Variants in PLXNA2 observed in about 807,000 individuals in gnomAD.
The protein encoded by PLXNA2 is plexin-A2.
In PLXNA2, 91 loss-of-function variants were observed where a neutral mutation model predicts 193.5. That is an observed-to-expected ratio of 0.47 (90% confidence interval 0.40 to 0.56). The LOEUF (loss-of-function observed/expected upper bound fraction) is 0.56, where lower values mean the gene tolerates loss of function less well. Ranked by LOEUF, PLXNA2 falls within the 20% of genes least tolerant of loss-of-function variation. The pLI is 0.00. For synonymous variants in PLXNA2, 997 were observed against 1,027.3 expected, an observed-to-expected ratio of 0.97 and a Z score of 0.56; for missense variants, 1,995 against 2,503.2, an observed-to-expected ratio of 0.80 and a Z score of 4.33.
intron 3 of PLXNA2, among the ~76,000 whole-genome samples, chr1:208,152,322 C>T (rs73087041): frequency 0.012 from 1,859 of 152,160 alleles, 44 homozygotes; most frequent in African/African-American, 0.042. Flanking sequence ...CCATGGTAAC[C>T]GAGAGAAATG....
intron 14 of PLXNA2, among the ~76,000 whole-genome samples, chr1:208,053,552 C>A (rs911063872): frequency 1.3e-5 from 2 of 152,226 alleles, no homozygotes; most frequent in African/African-American, 2.4e-5. Context: ...AAACAATCAG[C>A]AAAATGCTTT....
intron 29 of PLXNA2, chr1:208,031,023 G>A (rs1405219523): frequency 2.0e-6 from 2 of 988,066 alleles, no homozygotes; most frequent in Non-Finnish European, 2.4e-6. Flanking sequence ...ATGGCGCCAG[G>A]ATAATCACTT....
intron 3 of PLXNA2, among the ~76,000 whole-genome samples, chr1:208,157,472 C>A (rs2102508370): frequency 6.6e-6 from 1 of 152,294 alleles, no homozygotes; most frequent in East Asian, 1.9e-4. Context: ...ATTCTCAGGT[C>A]TTTTTACTCT....
intron 1 of PLXNA2, among the ~76,000 whole-genome samples, chr1:208,224,566 T>C (rs1671455182): frequency 6.6e-6 from 1 of 152,224 alleles, no homozygotes; most frequent in Non-Finnish European, 1.5e-5. Context: ...CTATGGAAAA[T>C]AGCGGGACCA....
chr1:208,042,416 C>T lies in PLXNA2; in HGVS notation c.4018-50G>A, dbSNP rs1441917093. The T allele has an allele frequency of 2.5e-6, 4 of 1,583,558 alleles. No individual in the cohort carries two copies. In the African/African-American group the frequency reaches 5.4e-5, roughly 21 times the overall value. On this transcript the variant is annotated intron_variant, in intron 21 of 31. Coordinates refer to ENST00000367033, the MANE Select transcript of PLXNA2 (RefSeq NM_025179.4). ...ACGCCCTCAGAGGACAGGCATCGGG[C>T]CTCCTACCTGAGGGTCTCACTGAGG... is the stretch of plus-strand genomic sequence containing the variant.
At chr1:208,183,810 G>C (rs1162673606) in intron 3 of PLXNA2, among the ~76,000 whole-genome samples, 1 of 152,166 alleles carries the variant, frequency 6.6e-6, no homozygotes, top group Non-Finnish European at 1.5e-5. Flanking sequence ...CTGGGACTGA[G>C]AGTTGGAGAC....
At chr1:208,243,193 G>A (rs1367703492) in intron 1 of PLXNA2, among the ~76,000 whole-genome samples, 4 of 152,258 alleles carry the variant, frequency 2.6e-5, no homozygotes, top group African/African-American at 9.6e-5. Context: ...GCACTGGAGT[G>A]AACGCCCCCA....
chr1:208,184,823 A>G (rs941461085), intron 3 of PLXNA2, among the ~76,000 whole-genome samples: 8 of 152,244 alleles, frequency 5.3e-5, no homozygotes, highest in South Asian at 4.1e-4. Flanking sequence ...ATTTCTCAGT[A>G]AGCCTCAGCT....
At chr1:208,199,444 G>A (rs1423384247) in intron 3 of PLXNA2, among the ~76,000 whole-genome samples, 1 of 152,212 alleles carries the variant, frequency 6.6e-6, no homozygotes, top group Non-Finnish European at 1.5e-5. Flanking sequence ...TGTAATCCCA[G>A]CACTTTGGGG....
intron 12 of PLXNA2, among the ~76,000 whole-genome samples, chr1:208,074,251 C>G (rs1666070224): frequency 6.6e-6 from 1 of 152,170 alleles, no homozygotes; most frequent in Admixed American, 6.5e-5. Flanking sequence ...GAGGTCCCAG[C>G]AGGTCCTGAA....
At chr1:208,172,439 C>T (rs923828044) in intron 3 of PLXNA2, among the ~76,000 whole-genome samples, 2 of 152,146 alleles carry the variant, frequency 1.3e-5, no homozygotes. Flanking sequence ...TACCGCTGCC[C>T]CCTCCTCTTC....
intron 1 of PLXNA2, among the ~76,000 whole-genome samples, chr1:208,231,885 T>A (rs773173958): frequency 3.3e-5 from 5 of 152,234 alleles, no homozygotes; most frequent in Admixed American, 6.5e-5. Context: ...AACTGATATA[T>A]CTTGGAAGAG....
chr1:208,180,928 C>T lies in PLXNA2; in HGVS notation c.1371+29352G>A, dbSNP rs200353582. 5.9e-5 allele frequency among the ~76,000 whole-genome samples: 9 copies of T among 152,340 alleles called. No homozygotes were observed. The East Asian group carries it at 1.5e-3, about 26-fold the overall frequency. The stretch of plus-strand genomic sequence containing the variant: ...GCCATGTCAAGCTTCTGGGGTCTCC[C>T]CCTGCCCAAGTTTGAGAGGGGATGG... On this transcript the variant is annotated intron_variant, in intron 3 of 31. Transcript: ENST00000367033.
intron 26 of PLXNA2, among the ~76,000 whole-genome samples, chr1:208,036,410 G>A (rs1422300150): frequency 6.6e-6 from 1 of 152,232 alleles, no homozygotes; most frequent in Admixed American, 6.5e-5. Context: ...GGTGGTGCAA[G>A]TCCATGGTCA....
intron 3 of PLXNA2, among the ~76,000 whole-genome samples, chr1:208,168,981 C>T (rs748750604): frequency 6.6e-6 from 1 of 152,030 alleles, no homozygotes; most frequent in Non-Finnish European, 1.5e-5. Context: ...TCAAAAGATA[C>T]CCTGCCCTTC....
At chr1:208,123,386 C>T (rs1667864206) in intron 4 of PLXNA2, among the ~76,000 whole-genome samples, 1 of 152,210 alleles carries the variant, frequency 6.6e-6, no homozygotes, top group Non-Finnish European at 1.5e-5. Flanking sequence ...CATTAATATA[C>T]ACACTTAAGA....
chr1:208,085,433 G>A (rs889637173), intron 9 of PLXNA2, among the ~76,000 whole-genome samples: 3 of 152,172 alleles, frequency 2.0e-5, no homozygotes, highest in Non-Finnish European at 2.9e-5. Context: ...CCTTCTCCTG[G>A]GCAGTGGTTC....
intron 3 of PLXNA2, among the ~76,000 whole-genome samples, chr1:208,188,945 T>G (rs1039976422): frequency 6.6e-6 from 1 of 152,082 alleles, no homozygotes; most frequent in African/African-American, 2.4e-5. Flanking sequence ...ATGGGCTGGA[T>G]GTAGTGCACC....
In PLXNA2 at chr1:208,217,720, T is replaced by A; in HGVS notation, c.203A>T (p.Asn68Ile). 6.2e-7 allele frequency: 1 copy of A among 1,614,144 alleles called. No individual in the cohort carries two copies. The highest frequency in any genetic ancestry group is 8.5e-7 in the Non-Finnish European group (1 of 1,180,014). Residue 68 changes from asparagine (N) to isoleucine (I), a missense_variant, in exon 2 of 32, where the codon AAC (asparagine) becomes ATC (isoleucine). By Grantham distance (149) the Asn-to-Ile change is moderately radical. Around this residue, in one of 3 missense-constraint regions of PLXNA2, gnomAD observed 702 missense variants for 812.9 expected, o/e 0.86. Transcript: ENST00000367033. The surrounding 1 kb of genome is among the most constrained non-coding windows in gnomAD (Gnocchi z 4.7). ...GTTGCCTGTCAGCTTATAGACCCGG[T>A]TGATGGCCCCCACATAGACGGCCCC... ...GTGAVYVGAINRVYKLTGNLT... is the reference protein window; with the variant it reads ...GTGAVYVGAIIRVYKLTGNLT...
Sources: allele counts gnomAD v4.1 joint callset (sites outside exome capture counted in the v4.1 genomes callset), GRCh38; gene constraint gnomAD v4.1.1; regional missense constraint gnomAD v4.1.1; non-coding constraint Gnocchi (gnomAD v3.1); transcripts MANE v1.5; gene names NCBI Gene and HGNC (gene_info 2026-07-23, HGNC 2026-07-21).